SIPA1L3: variants seen among roughly 807,000 people sequenced by gnomAD.
SIPA1L3 encodes signal induced proliferation associated 1 like 3, also known as signal-induced proliferation-associated 1-like protein 3.
Under a neutral mutation model 150.1 loss-of-function variants are expected in SIPA1L3, and 59 were observed. The observed-to-expected ratio is 0.39, with a 90% CI of 0.32 to 0.49. The LOEUF (loss-of-function observed/expected upper bound fraction) is 0.49. SIPA1L3 is among the 20% of genes least tolerant of loss of function. The pLI is 0.86. For missense variants in SIPA1L3, 2,211 were observed against 2,489.5 expected, an observed-to-expected ratio of 0.89 and a Z score of 2.38; for synonymous variants, 1,070 against 1,077.6, an observed-to-expected ratio of 0.99 and a Z score of 0.14.
At chr19:37,915,011 C>T (rs76101231) in intron 1 of SIPA1L3, among the ~76,000 whole-genome samples, 214 of 152,300 alleles carry the variant, frequency 1.4e-3, no homozygotes, top group Non-Finnish European at 2.5e-3. Flanking sequence ...TTCCAGGGCC[C>T]TCCTTACCAG....
Position 38,088,849 on chromosome 19 carries a change from G to A in SIPA1L3, c.1663G>A (p.Glu555Lys), listed in dbSNP as rs1233730462. The change falls in exon 4 of 22, where the codon GAG becomes AAG. Residue 555 changes from glutamate to lysine, a missense_variant and splice_region_variant. Glu to Lys is a moderately conservative substitution (Grantham distance 56). This residue lies in a region of SIPA1L3 where 625 missense variants were observed against 804.2 expected (regional missense o/e 0.78). Transcript: ENST00000222345. ...YQYRIIFRTR[E>K]LITLRGSILE... is the part of the protein sequence containing the mutation. ...GTACAGGATCATCTTCCGGACCCGCGAGGTAGGTCCCATCACTCTCGTTCT... is the reference window on the plus strand; with the variant it reads ...GTACAGGATCATCTTCCGGACCCGCAAGGTAGGTCCCATCACTCTCGTTCT... 4 of 1,613,590 alleles carry A rather than the reference G, an allele frequency of 2.5e-6. No homozygotes were observed. Among genetic ancestry groups the A allele is most frequent in the East Asian group, 2.2e-5 (1 of 44,878 alleles).
chr19:38,032,446 A>G (rs1002837009), intron 2 of SIPA1L3, among the ~76,000 whole-genome samples: 109 of 152,280 alleles, frequency 7.2e-4, no homozygotes, highest in African/African-American at 2.4e-3. Context: ...AGCACCTACT[A>G]TCTGCTTCTA....
intron 2 of SIPA1L3, among the ~76,000 whole-genome samples, chr19:38,076,050 AG>A (rs1047682742): frequency 3.3e-5 from 5 of 151,700 alleles, no homozygotes; most frequent in Admixed American, 3.3e-4. Flanking sequence ...CTGAGGCAGG[AG>A]AATGGCGTAA....
intron 1 of SIPA1L3, among the ~76,000 whole-genome samples, chr19:37,980,858 C>A (rs1300735968): frequency 6.6e-6 from 1 of 152,204 alleles, no homozygotes; most frequent in African/African-American, 2.4e-5. Context: ...CTGTGAGCTG[C>A]GCTCAAGAAG....
At chr19:38,064,248 G>T (rs923324699) in intron 2 of SIPA1L3, among the ~76,000 whole-genome samples, 1 of 152,190 alleles carries the variant, frequency 6.6e-6, no homozygotes, top group African/African-American at 2.4e-5. Flanking sequence ...TCAGAGGGGC[G>T]CCCCACCCGG....
intron 8 of SIPA1L3, among the ~76,000 whole-genome samples, chr19:38,112,174 T>C (rs1970777827): frequency 6.6e-6 from 1 of 151,142 alleles, no homozygotes; most frequent in South Asian, 2.1e-4. Flanking sequence ...CACATGCACA[T>C]GCACACACAT....
At position 38,082,908 on chromosome 19, in the gene SIPA1L3, C is replaced by T. The variant is rs368942102; in HGVS notation, c.1343C>T (p.Ser448Phe). 8 of 1,613,132 alleles carry T rather than the reference C, an allele frequency of 5.0e-6. No individual in the cohort carries two copies. The highest frequency in any genetic ancestry group is 6.8e-6 in the Non-Finnish European group (8 of 1,179,906). The change falls in exon 3 of 22, where the codon TCC (serine) becomes TTC (phenylalanine). Residue 448 changes from serine to phenylalanine, a missense_variant. Ser to Phe is a radical substitution (Grantham distance 155). Transcript: ENST00000222345. The part of the protein sequence containing the change: ...CERNVSFSRA[S>F]VGSPSSGEGH... ...CGCAACGTGAGCTTCTCCCGGGCTT[C>T]CGTGGGCTCCCCGAGCAGCGGCGAG... is the stretch of plus-strand genomic sequence containing the variant.
chr19:38,119,693 CA>C lies in SIPA1L3; in HGVS notation c.2681del (p.Asn894MetfsTer55). 1 of 1,614,142 alleles carries C rather than the reference CA, an allele frequency of 6.2e-7. No individual in the cohort carries two copies. The highest frequency in any genetic ancestry group is 8.5e-7 in the Non-Finnish European group (1 of 1,180,018). On this transcript the variant is annotated frameshift_variant, in exon 9 of 22. Transcript: ENST00000222345. LOFTEE classifies it high-confidence loss of function. ...VEIDCILGIS[N>X]EFVVLLDLRT... ...AAATCGACTGCATTTTGGGAATTTCCAATGAGTTTGTGGTGCTCCTGGACTT... is the reference window on the plus strand; with the variant it reads ...AAATCGACTGCATTTTGGGAATTTCCATGAGTTTGTGGTGCTCCTGGACTT...
At chr19:38,009,767 C>T (rs1043458966) in intron 1 of SIPA1L3, among the ~76,000 whole-genome samples, 2 of 152,040 alleles carry the variant, frequency 1.3e-5, no homozygotes, top group East Asian at 1.9e-4. Context: ...TCCCTGGCCT[C>T]GTTGCCACAC....
intron 12 of SIPA1L3, among the ~76,000 whole-genome samples, chr19:38,151,004 T>C (rs1971809132): frequency 6.6e-6 from 1 of 152,074 alleles, no homozygotes; most frequent in South Asian, 2.1e-4. Flanking sequence ...CCAGGGAGGG[T>C]GAACCCAGCA....
At chr19:37,989,883 C>T (rs1026715418) in intron 1 of SIPA1L3, among the ~76,000 whole-genome samples, 25 of 152,056 alleles carry the variant, frequency 1.6e-4, no homozygotes, top group Non-Finnish European at 3.1e-4. Flanking sequence ...TGTTGGGTGG[C>T]ACAGCCAGAA....
chr19:38,140,771 T>A lies in SIPA1L3; in HGVS notation c.3144-413T>A, dbSNP rs376244949. Among the ~76,000 whole-genome samples the A allele has an allele frequency of 3.1e-4, 47 of 151,972 alleles. No individual in the cohort carries two copies. The East Asian group carries it at 5.6e-3, about 18-fold the overall frequency. ...TTCACTCGACTTTTAAAATAGGCCA[T>A]CCCCAGCCGGGCGCGGTGGCTCACT... is the stretch of plus-strand genomic sequence containing the variant. On this transcript the variant is annotated intron_variant, in intron 10 of 21. Coordinates refer to ENST00000222345, the MANE Select transcript of SIPA1L3 (RefSeq NM_015073.3).
At chr19:38,115,435 A>G (rs960082384) in intron 8 of SIPA1L3, among the ~76,000 whole-genome samples, 2 of 152,232 alleles carry the variant, frequency 1.3e-5, no homozygotes, top group Non-Finnish European at 2.9e-5. Flanking sequence ...AGAGCAGGGC[A>G]GAGAACGGCA....
intron 14 of SIPA1L3, among the ~76,000 whole-genome samples, chr19:38,162,946 G>T (rs1490046850): frequency 6.6e-6 from 1 of 152,218 alleles, no homozygotes; most frequent in Non-Finnish European, 1.5e-5. Context: ...AGGGAGGCTG[G>T]GAAATGTAGT....
At chr19:38,067,613 T>G (rs191857010) in intron 2 of SIPA1L3, among the ~76,000 whole-genome samples, 63 of 151,970 alleles carry the variant, frequency 4.1e-4, no homozygotes, top group African/African-American at 1.5e-3. Flanking sequence ...AATACAAAAA[T>G]TAGCTGGGCA....
At chr19:38,197,274 C>G (rs1972981022) in intron 18 of SIPA1L3, among the ~76,000 whole-genome samples, 1 of 152,124 alleles carries the variant, frequency 6.6e-6, no homozygotes, top group Non-Finnish European at 1.5e-5. Flanking sequence ...CTTCTGGTCT[C>G]TCTGTACCTG....
chr19:38,075,969 C>G (rs889911237), intron 2 of SIPA1L3, among the ~76,000 whole-genome samples: 1 of 151,968 alleles, frequency 6.6e-6, no homozygotes, highest in African/African-American at 2.4e-5. Context: ...GAAACCCCGT[C>G]TCTACTGAAA....
intron 1 of SIPA1L3, among the ~76,000 whole-genome samples, chr19:37,969,770 G>A (rs923961067): frequency 1.3e-5 from 2 of 151,958 alleles, no homozygotes; most frequent in African/African-American, 4.8e-5. Flanking sequence ...TAGCCTTCTC[G>A]TTCTTATCCC....
chr19:37,983,703 C>A (rs767150867), intron 1 of SIPA1L3, among the ~76,000 whole-genome samples: 1 of 151,810 alleles, frequency 6.6e-6, no homozygotes, highest in Admixed American at 6.6e-5. Flanking sequence ...CTTAGGAGTT[C>A]GAGACCATCC....
Sources: gnomAD v4.1 joint callset for allele counts (sites outside exome capture counted in the v4.1 genomes callset) on GRCh38, gnomAD v4.1.1 for gene constraint, gnomAD v4.1.1 regional missense constraint, MANE v1.5 for transcripts, NCBI Gene and HGNC (gene_info 2026-07-23, HGNC 2026-07-21) for gene names.